Variants in STT3B observed in about 807,000 individuals in gnomAD.
STT3B encodes the protein STT3 oligosaccharyltransferase complex catalytic subunit B.
A neutral mutation model predicts 96.8 loss-of-function variants in STT3B; 29 were observed. The observed-to-expected ratio is 0.30, with a 90% CI of 0.22 to 0.41. The LOEUF (loss-of-function observed/expected upper bound fraction) is 0.41. STT3B is among the 10% of genes least tolerant of loss of function. STT3B has a pLI of 1.00. For missense variants in STT3B, 640 were observed against 1,022.3 expected, an observed-to-expected ratio of 0.63 and a Z score of 5.10; for synonymous variants, 367 against 360.0, an observed-to-expected ratio of 1.02 and a Z score of -0.22.
chr3:31,558,847 T>A (rs543581683), intron 1 of STT3B, among the ~76,000 whole-genome samples: 118 of 148,654 alleles, frequency 7.9e-4, no homozygotes, highest in Non-Finnish European at 1.5e-3. Flanking sequence ...CATTACTCAT[T>A]TATTGGTCTG....
chr3:31,570,469 G>T (rs573503156), intron 1 of STT3B, among the ~76,000 whole-genome samples: 2 of 152,096 alleles, frequency 1.3e-5, no homozygotes, highest in African/African-American at 2.4e-5. Flanking sequence ...TGAGATGATC[G>T]TATGAAGAAG....
chr3:31,551,688 A>G (rs1697564992), intron 1 of STT3B, among the ~76,000 whole-genome samples: 1 of 152,232 alleles, frequency 6.6e-6, no homozygotes, highest in African/African-American at 2.4e-5. Context: ...ATCTTTACAG[A>G]AAGGGTTATT....
At chr3:31,629,433 C>G (rs1342536561) in intron 14 of STT3B, 22 bp downstream of exon 14, 3 of 1,306,524 alleles carry the variant, frequency 2.3e-6, no homozygotes, top group East Asian at 2.4e-5. Flanking sequence ...CCATTTTTCT[C>G]TAATTTTCAT....
At chr3:31,585,346 C>G (rs1386463132) in intron 3 of STT3B, among the ~76,000 whole-genome samples, 1 of 151,970 alleles carries the variant, frequency 6.6e-6, no homozygotes, top group African/African-American at 2.4e-5. Flanking sequence ...TGTGCCTGTT[C>G]CATCAACTAT....
intron 1 of STT3B, among the ~76,000 whole-genome samples, chr3:31,538,958 C>T (rs921572751): frequency 2.0e-5 from 3 of 151,912 alleles, no homozygotes; most frequent in South Asian, 2.1e-4. Context: ...TTTTTAAAGT[C>T]GAATATATTA....
intron 1 of STT3B, among the ~76,000 whole-genome samples, chr3:31,576,157 A>C (rs1698258846): frequency 6.6e-6 from 1 of 152,096 alleles, no homozygotes; most frequent in Non-Finnish European, 1.5e-5. Flanking sequence ...CTGGACCCCA[A>C]GCAATGGCTA....
rs1325281964 is a variant in STT3B, at chr3:31,617,922, C to T, written c.1124-18C>T. 1.3e-6 allele frequency: 2 copies of T among 1,575,092 alleles called. No homozygotes were observed. Among genetic ancestry groups the T allele is most frequent in the South Asian group, 1.1e-5 (1 of 89,546 alleles). ...AATAAAAAGGCAGATTAATTTCATC[C>T]ATGTTTTTCCTTCCAAGGTTACATT... is the stretch of plus-strand genomic sequence containing the variant. On this transcript the variant is annotated intron_variant, in intron 7 of 15. Coordinates refer to ENST00000295770, the MANE Select transcript of STT3B (RefSeq NM_178862.3).
intron 1 of STT3B, among the ~76,000 whole-genome samples, chr3:31,571,059 G>T (rs1698124563): frequency 6.6e-6 from 1 of 152,188 alleles, no homozygotes; most frequent in Non-Finnish European, 1.5e-5. Context: ...GTTGAGAAGA[G>T]GGTTTAGAGA....
intron 3 of STT3B, among the ~76,000 whole-genome samples, chr3:31,594,224 G>C (rs1256812566): frequency 1.2e-4 from 18 of 152,112 alleles, no homozygotes; most frequent in Admixed American, 1.2e-3. Flanking sequence ...TCTCCCCACT[G>C]CCAAGCAGTT....
chr3:31,591,943 C>T (rs1698673836), intron 3 of STT3B, among the ~76,000 whole-genome samples: 1 of 151,882 alleles, frequency 6.6e-6, no homozygotes, highest in Non-Finnish European at 1.5e-5. Context: ...TCATTTTTCC[C>T]CCAGTTTTTT....
At chr3:31,623,894 A>T in intron 11 of STT3B, 33 bp downstream of exon 11, 2 of 1,486,878 alleles carry the variant, frequency 1.3e-6, no homozygotes, top group Non-Finnish European at 1.8e-6. Context: ...AAAACATTTT[A>T]TACTTACACT....
At chr3:31,577,791 T>C (rs1698294179) in intron 2 of STT3B, among the ~76,000 whole-genome samples, 1 of 152,172 alleles carries the variant, frequency 6.6e-6, no homozygotes, top group South Asian at 2.1e-4. Context: ...GGGTAGTACA[T>C]ACGGCAGATA....
At chr3:31,603,615 G>A (rs1395451269) in intron 5 of STT3B, among the ~76,000 whole-genome samples, 1 of 152,054 alleles carries the variant, frequency 6.6e-6, no homozygotes, top group Non-Finnish European at 1.5e-5. Flanking sequence ...CTGATGGGAT[G>A]TGAAGTGATT....
intron 1 of STT3B, among the ~76,000 whole-genome samples, chr3:31,570,469 G>A (rs573503156): frequency 6.6e-6 from 1 of 152,096 alleles, no homozygotes; most frequent in Non-Finnish European, 1.5e-5. Context: ...TGAGATGATC[G>A]TATGAAGAAG....
At chr3:31,582,122 T>G (rs773715121) in intron 3 of STT3B, among the ~76,000 whole-genome samples, 8 of 152,084 alleles carry the variant, frequency 5.3e-5, no homozygotes, top group Non-Finnish European at 7.4e-5. Context: ...GTGTTGCTCT[T>G]TTTAAAGAAC....
chr3:31,550,710 A>T (rs1041763449), intron 1 of STT3B, among the ~76,000 whole-genome samples: 1 of 152,160 alleles, frequency 6.6e-6, no homozygotes, highest in Non-Finnish European at 1.5e-5. Context: ...AAAATTGGCT[A>T]TGTTTAATGT....
At chr3:31,633,690 T>A (rs948208389) in intron 15 of STT3B, among the ~76,000 whole-genome samples, 3 of 152,126 alleles carry the variant, frequency 2.0e-5, no homozygotes, top group Non-Finnish European at 4.4e-5. Flanking sequence ...TAATATTATA[T>A]AAGATATGAA....
intron 1 of STT3B, among the ~76,000 whole-genome samples, chr3:31,571,943 TA>T (rs1198502295): frequency 7.3e-6 from 1 of 137,590 alleles, no homozygotes; most frequent in Non-Finnish European, 1.5e-5. Context: ...ATATTATATA[TA>T]ATATTAAATA....
intron 5 of STT3B, among the ~76,000 whole-genome samples, chr3:31,602,941 C>T (rs1487131423): frequency 6.6e-6 from 1 of 152,024 alleles, no homozygotes; most frequent in Non-Finnish European, 1.5e-5. Context: ...TGTTGCTCTT[C>T]CTTCATCCAG....
Sources: gnomAD v4.1 joint callset for allele counts (sites outside exome capture counted in the v4.1 genomes callset) on GRCh38, gnomAD v4.1.1 for gene constraint, MANE v1.5 for transcripts, NCBI Gene and HGNC (gene_info 2026-07-23, HGNC 2026-07-21) for gene names.